APPBP2: variants seen among roughly 807,000 people sequenced by gnomAD.
APPBP2 encodes amyloid protein-binding protein 2.
Under a neutral mutation model 76.0 loss-of-function variants are expected in APPBP2, and 15 were observed. The ratio of observed to expected loss-of-function variants is 0.20; its 90% CI spans 0.13 to 0.30. The LOEUF (loss-of-function observed/expected upper bound fraction) is 0.30, where lower values mean the gene tolerates loss of function less well. Among genes scored for constraint, APPBP2 ranks in the 10% least tolerant of loss-of-function variants. The pLI, the probability that APPBP2 is intolerant of heterozygous loss-of-function variation, is 1.00. For missense variants in APPBP2, 401 were observed against 687.2 expected (o/e 0.58, Z 4.66); for synonymous variants, 222 against 242.2 (o/e 0.92, Z 0.77).
chr17:60,491,279 T>C (rs1396527095), intron 3 of APPBP2, among the ~76,000 whole-genome samples: 1 of 152,098 alleles, frequency 6.6e-6, no homozygotes, highest in Non-Finnish European at 1.5e-5. Context: ...ACTGGTGACA[T>C]TTTGTCCCTG....
intron 6 of APPBP2, among the ~76,000 whole-genome samples, chr17:60,462,933 A>G (rs1463472189): frequency 1.3e-5 from 2 of 148,898 alleles, no homozygotes; most frequent in Non-Finnish European, 3.0e-5. Context: ...CCTGGGCGAC[A>G]GCAAGACTCC....
chr17:60,489,610 C>CAAAAAA (rs746715643), intron 3 of APPBP2, among the ~76,000 whole-genome samples: 8 of 53,566 alleles, frequency 1.5e-4, no homozygotes, highest in African/African-American at 4.4e-4. Flanking sequence ...GACCATGTCT[C>CAAAAAA]AAAAAAAAAA....
At chr17:60,507,719 A>G (rs2090879774) in intron 1 of APPBP2, among the ~76,000 whole-genome samples, 1 of 152,178 alleles carries the variant, frequency 6.6e-6, no homozygotes, top group Admixed American at 6.5e-5. Flanking sequence ...CGGTTGGTAA[A>G]TTTGATACTT....
At chr17:60,495,376 A>C (rs8073157) in intron 2 of APPBP2, among the ~76,000 whole-genome samples, 12,392 of 151,842 alleles carry the variant, frequency 0.082, 1,672 homozygotes, top group African/African-American at 0.28. Flanking sequence ...AGGGAAATGC[A>C]AACCAAAATC....
At chr17:60,516,199 C>G (rs528758407) in intron 1 of APPBP2, among the ~76,000 whole-genome samples, 2 of 151,670 alleles carry the variant, frequency 1.3e-5, no homozygotes, top group African/African-American at 4.8e-5. Flanking sequence ...ACAAAAAAAA[C>G]CAGATGAGAG....
rs551477545 is a variant in APPBP2, at chr17:60,510,559, CA to C, written c.139-10073del. ...CAACATAGGGAGACCCCCATCACTA[CA>C]AAAAAAAAAAAAATTGGCCAAGCAT... On this transcript the variant is annotated intron_variant, in intron 1 of 12. Coordinates refer to ENST00000083182, the MANE Select transcript of APPBP2 (RefSeq NM_006380.5). 2.9e-3 allele frequency among the ~76,000 whole-genome samples: 388 copies of C among 135,366 alleles called. 2 individuals carry two copies. Among genetic ancestry groups the C allele is most frequent in the African/African-American group, 4.4e-3 (167 of 37,916 alleles). 88.8% of individuals were successfully genotyped at this position (135,366 alleles called of 152,430 possible).
intron 3 of APPBP2, among the ~76,000 whole-genome samples, chr17:60,482,487 T>C (rs977532766): frequency 2.6e-5 from 4 of 152,232 alleles, no homozygotes; most frequent in Non-Finnish European, 4.4e-5. Flanking sequence ...CTAGGGTACA[T>C]GTGCACAACG....
chr17:60,513,997 T>TAAAAAAAAAAAA (rs35785295), intron 1 of APPBP2, among the ~76,000 whole-genome samples: 1 of 108,574 alleles, frequency 9.2e-6, no homozygotes, highest in Non-Finnish European at 1.9e-5. Flanking sequence ...TTCCCCACAT[T>TAAAAAAAAAAAA]AAAAAAAAAA....
intron 5 of APPBP2, 46 bp from the exon 6 acceptor site, chr17:60,464,156 G>A: frequency 6.7e-7 from 1 of 1,482,314 alleles, no homozygotes; most frequent in South Asian, 1.2e-5. Flanking sequence ...GTTAAATCAA[G>A]TTGACAATAT....
At chr17:60,490,132 T>C (rs910687986) in intron 3 of APPBP2, among the ~76,000 whole-genome samples, 3 of 152,188 alleles carry the variant, frequency 2.0e-5, no homozygotes, top group Admixed American at 1.3e-4. Flanking sequence ...GTGATGGTGG[T>C]TGTACGACTC....
At chr17:60,466,128 C>A (rs561239692) in intron 5 of APPBP2, among the ~76,000 whole-genome samples, 163 bp downstream of exon 5, 1 of 152,130 alleles carries the variant, frequency 6.6e-6, no homozygotes, top group Non-Finnish European at 1.5e-5. Context: ...CCACAGTGCT[C>A]GGCTTGTCTG....
At chr17:60,516,585 C>T (rs1280220649) in intron 1 of APPBP2, among the ~76,000 whole-genome samples, 1 of 152,170 alleles carries the variant, frequency 6.6e-6, no homozygotes. Flanking sequence ...TAATATTCTA[C>T]TACGTGACTA....
chr17:60,444,707 A>G lies in APPBP2; in HGVS notation c.*2874T>C, dbSNP rs948991682. On this transcript the variant is annotated 3_prime_UTR_variant, in exon 13 of 13. Transcript: ENST00000083182. ...TAAAGATTATGCTCTAAAAATTCCAATTGACTCTATTAAATGGAATGCAGG... is the reference window on the plus strand; with the variant it reads ...TAAAGATTATGCTCTAAAAATTCCAGTTGACTCTATTAAATGGAATGCAGG... 1.3e-5 allele frequency: 2 copies of G among 152,428 alleles called. No individual in the cohort carries two copies. The highest frequency in any genetic ancestry group is 4.8e-5 in the African/African-American group (2 of 41,390). 9.4% of individuals were successfully genotyped at this position (152,428 alleles called of 1,614,324 possible). A position where few individuals can be genotyped will look rare whatever the true frequency, so the allele number is the denominator to read the frequency against.
chr17:60,503,238 C>T (rs2090837398), intron 1 of APPBP2, among the ~76,000 whole-genome samples: 1 of 145,602 alleles, frequency 6.9e-6, no homozygotes, highest in Non-Finnish European at 1.5e-5. Flanking sequence ...GTCTCGATTT[C>T]TTGACCTCAT....
chr17:60,518,575 T>TCATGATAAC (rs2143501658), intron 1 of APPBP2, among the ~76,000 whole-genome samples: 1 of 152,098 alleles, frequency 6.6e-6, no homozygotes, highest in East Asian at 1.9e-4. Flanking sequence ...GAGTGCAGTG[T>TCATGATAAC]CATGATAACC....
In APPBP2 at chr17:60,525,780, C is replaced by G. The variant is rs766244222; in HGVS notation, c.138+14G>C. On this transcript the variant is annotated intron_variant, in intron 1 of 12. Transcript: ENST00000083182. Reference sequence around the variant, plus strand: ...TTGCTGGAGGAGAGCAGAGAGGAGGCCCACGGCGCATACCTTGTAGTAAAC... The same window carrying G: ...TTGCTGGAGGAGAGCAGAGAGGAGGGCCACGGCGCATACCTTGTAGTAAAC... The G allele has an allele frequency of 6.2e-7, 1 of 1,612,976 alleles. No homozygotes were observed. Among genetic ancestry groups the G allele is most frequent in the Non-Finnish European group, 8.5e-7 (1 of 1,179,700 alleles).
At chr17:60,460,401 T>G (rs2090468158) in intron 9 of APPBP2, 1 of 213,392 alleles carries the variant, frequency 4.7e-6, no homozygotes, top group Non-Finnish European at 9.3e-6. Flanking sequence ...GGTCTCAAAC[T>G]CTTGGGCTCA....
chr17:60,451,400 G>A (rs1567917081), intron 12 of APPBP2, among the ~76,000 whole-genome samples: 1 of 151,768 alleles, frequency 6.6e-6, no homozygotes, highest in Non-Finnish European at 1.5e-5. Context: ...ATTTTTGGGT[G>A]GTTCCTGAAT....
intron 3 of APPBP2, among the ~76,000 whole-genome samples, chr17:60,489,265 T>C (rs2090706725): frequency 6.6e-6 from 1 of 150,778 alleles, no homozygotes; most frequent in African/African-American, 2.4e-5. Context: ...CAAAAAAATA[T>C]GCTCTGAAGT....
Sources: allele counts gnomAD v4.1 joint callset (sites outside exome capture counted in the v4.1 genomes callset), GRCh38; gene constraint gnomAD v4.1.1; transcripts MANE v1.5; gene names NCBI Gene and HGNC (gene_info 2026-07-23, HGNC 2026-07-21).